Variants in NCKAP5 observed in about 807,000 individuals in gnomAD.
NCKAP5 encodes the protein NCK associated protein 5.
A neutral mutation model predicts 167.0 loss-of-function variants in NCKAP5; 92 were observed. The observed-to-expected ratio is 0.55, with a 90% CI of 0.47 to 0.66. The LOEUF is 0.66. Ranked by LOEUF, NCKAP5 falls within the 30% of genes least tolerant of loss-of-function variation. The pLI is 0.00. For synonymous variants in NCKAP5, 891 were observed against 877.4 expected, an observed-to-expected ratio of 1.02 and a Z score of -0.27; for missense variants, 2,378 against 2,315.0, an observed-to-expected ratio of 1.03 and a Z score of -0.56.
intron 3 of NCKAP5, among the ~76,000 whole-genome samples, chr2:133,415,870 T>C (rs374610700): frequency 6.6e-6 from 1 of 152,236 alleles, no homozygotes; most frequent in African/African-American, 2.4e-5. Flanking sequence ...GTTACAGATA[T>C]ATGGACAGAG....
At chr2:133,610,069 G>A in the NCKAP5 span, among the ~76,000 whole-genome samples, 136 of 152,192 alleles carry the variant, frequency 8.9e-4, no homozygotes, top group East Asian at 0.024. Flanking sequence ...GCTTTCTTGG[G>A]TCTCCTCCCT....
intron 3 of NCKAP5, among the ~76,000 whole-genome samples, chr2:133,436,920 T>C (rs1023472732): frequency 6.6e-6 from 1 of 152,164 alleles, no homozygotes; most frequent in Non-Finnish European, 1.5e-5. Flanking sequence ...CTCAAGGGTA[T>C]CTGTGCTACC....
intron 3 of NCKAP5, among the ~76,000 whole-genome samples, chr2:133,359,583 A>G (rs1684962818): frequency 6.6e-6 from 1 of 152,238 alleles, no homozygotes; most frequent in Non-Finnish European, 1.5e-5. Flanking sequence ...TTCTATAAAT[A>G]ACATAAGCAG....
chr2:133,517,595 G>T lies in NCKAP5; in HGVS notation c.-61-8C>A. The T allele has an allele frequency of 2.0e-6, 2 of 1,014,388 alleles. No individual in the cohort carries two copies. The highest frequency in any genetic ancestry group is 2.8e-6 in the Non-Finnish European group (2 of 704,540). 62.8% of individuals were successfully genotyped at this position (1,014,388 alleles called of 1,614,324 possible). A position where few individuals can be genotyped will look rare whatever the true frequency, so the allele number is the denominator to read the frequency against. The stretch of plus-strand genomic sequence containing the variant: ...CGTCTGTTTCCAGGGTCACTGAAAA[G>T]AGTGAACATGTGTTTTACTATCCAA... On this transcript the variant is annotated splice_region_variant and splice_polypyrimidine_tract_variant and intron_variant, in intron 2 of 19. Coordinates refer to ENST00000409261, the MANE Select transcript of NCKAP5 (RefSeq NM_207363.3).
intron 1 of NCKAP5, among the ~76,000 whole-genome samples, chr2:133,563,643 C>A (rs999822048): frequency 1.4e-5 from 2 of 146,526 alleles, no homozygotes; most frequent in South Asian, 2.2e-4. Context: ...TAAAGGACTG[C>A]GCATAGGCGT....
At chr2:133,622,311 A>C in the NCKAP5 span, among the ~76,000 whole-genome samples, 1 of 152,142 alleles carries the variant, frequency 6.6e-6, no homozygotes, top group African/African-American at 2.4e-5. Flanking sequence ...AAAGAAATAA[A>C]GGGCATCCAA....
chr2:133,030,618 T>C (rs1276866999), intron 6 of NCKAP5, among the ~76,000 whole-genome samples: 1 of 151,686 alleles, frequency 6.6e-6, no homozygotes, highest in Non-Finnish European at 1.5e-5. Flanking sequence ...TAGGTTGACA[T>C]GTGGAAATCT....
At chr2:132,723,119 G>A (rs566910742) in intron 19 of NCKAP5, among the ~76,000 whole-genome samples, 14 of 150,398 alleles carry the variant, frequency 9.3e-5, no homozygotes, top group East Asian at 5.9e-4. Flanking sequence ...GAGCCACCAT[G>A]CCTGGCCTGA....
intron 11 of NCKAP5, among the ~76,000 whole-genome samples, chr2:132,849,674 G>A (rs16842440): frequency 0.071 from 10,782 of 152,152 alleles, 761 homozygotes; most frequent in African/African-American, 0.16. Context: ...AGAATGGCCC[G>A]AGGTCACCTA....
chr2:133,457,909 C>T lies in NCKAP5; in HGVS notation c.69+59549G>A, dbSNP rs939149353. ...CAAAAGTTAAACACGATTTTCTCCT[C>T]TTGTCTCTGTTTAAATTAGTGTGTA... is the stretch of plus-strand genomic sequence containing the variant. On this transcript the variant is annotated intron_variant, in intron 3 of 19. Transcript: ENST00000409261. Among the ~76,000 whole-genome samples the T allele has an allele frequency of 2.0e-5, 3 of 152,172 alleles. No individual in the cohort carries two copies. In the East Asian group the frequency reaches 5.8e-4, roughly 29 times the overall value.
At chr2:133,054,546 A>T (rs1197219507) in intron 6 of NCKAP5, among the ~76,000 whole-genome samples, 1 of 152,194 alleles carries the variant, frequency 6.6e-6, no homozygotes, top group Non-Finnish European at 1.5e-5. Flanking sequence ...GAGTGTTTTT[A>T]AAGAATGTCA....
Position 132,674,525 on chromosome 2 carries a change from A to C in NCKAP5, c.5714-1220T>G, listed in dbSNP as rs1176683773. On this transcript the variant is annotated intron_variant, in intron 19 of 19. Transcript: ENST00000409261. Reference sequence around the variant, plus strand: ...AAAAATTCCACTTAAATAACTTGCCAAACCGTCTCTAACATGTGCAGTTCT... The same window carrying C: ...AAAAATTCCACTTAAATAACTTGCCCAACCGTCTCTAACATGTGCAGTTCT... 2.0e-5 allele frequency among the ~76,000 whole-genome samples: 3 copies of C among 152,200 alleles called. No individual in the cohort carries two copies. The East Asian group carries it at 5.8e-4, about 29-fold the overall frequency.
At chr2:132,801,448 T>C (rs1309299831) in intron 11 of NCKAP5, among the ~76,000 whole-genome samples, 2 of 152,204 alleles carry the variant, frequency 1.3e-5, no homozygotes, top group Admixed American at 1.3e-4. Context: ...CATGTTCATA[T>C]ATACGGGTAT....
At chr2:133,222,647 G>C (rs2086705642) in intron 4 of NCKAP5, among the ~76,000 whole-genome samples, 1 of 138,570 alleles carries the variant, frequency 7.2e-6, no homozygotes, top group African/African-American at 2.5e-5. Context: ...TGACCCCGTG[G>C]ATCTCTAAAA....
intron 3 of NCKAP5, among the ~76,000 whole-genome samples, chr2:133,458,221 G>A (rs1157452196): frequency 2.0e-5 from 3 of 152,270 alleles, no homozygotes; most frequent in Non-Finnish European, 2.9e-5. Context: ...CTGGATTAGC[G>A]AAAATCTACT....
At chr2:133,124,635 G>T (rs1304989121) in intron 6 of NCKAP5, among the ~76,000 whole-genome samples, 2 of 152,168 alleles carry the variant, frequency 1.3e-5, no homozygotes, top group African/African-American at 2.4e-5. Flanking sequence ...TATAAATACG[G>T]TGTTTTGTTC....
At chr2:133,305,281 G>A (rs1680698026) in intron 3 of NCKAP5, among the ~76,000 whole-genome samples, 1 of 152,142 alleles carries the variant, frequency 6.6e-6, no homozygotes, top group Non-Finnish European at 1.5e-5. Flanking sequence ...AAGAGACTGA[G>A]GTTCAAATCC....
chr2:132,780,221 G>C (rs756418821), intron 15 of NCKAP5, among the ~76,000 whole-genome samples: 1 of 151,968 alleles, frequency 6.6e-6, no homozygotes, highest in Non-Finnish European at 1.5e-5. Context: ...GCACAATCTC[G>C]GCTCGCTGCA....
intron 13 of NCKAP5, 74 bp downstream of exon 13, chr2:132,789,949 C>T (rs550387325): frequency 1.4e-6 from 2 of 1,440,814 alleles, no homozygotes; most frequent in South Asian, 2.8e-5. Context: ...CTCCCACCTG[C>T]CCTTCATCTC....
Sources: allele counts gnomAD v4.1 joint callset (sites outside exome capture counted in the v4.1 genomes callset), GRCh38; gene constraint gnomAD v4.1.1; transcripts MANE v1.5; gene names NCBI Gene and HGNC (gene_info 2026-07-23, HGNC 2026-07-21).